Variants in FLNB observed in about 807,000 individuals in gnomAD.
FLNB encodes filamin B.
In FLNB, 111 loss-of-function variants were observed where a neutral mutation model predicts 250.6. The ratio of observed to expected loss-of-function variants is 0.44; its 90% CI spans 0.38 to 0.52. The LOEUF (loss-of-function observed/expected upper bound fraction) is 0.52, where lower values mean the gene tolerates loss of function less well. FLNB is among the 20% of genes least tolerant of loss of function. The pLI is 0.00. For missense variants in FLNB, 2,869 were observed against 3,447.8 expected (o/e 0.83, Z 4.20); for synonymous variants, 1,302 against 1,372.1 (o/e 0.95, Z 1.13).
At chr3:58,136,743 A>ATTTTTTTTTTT (rs1411180386) in intron 28 of FLNB, among the ~76,000 whole-genome samples, 1 of 75,202 alleles carries the variant, frequency 1.3e-5, no homozygotes, top group African/African-American at 7.9e-5. Flanking sequence ...GTCACAGGCC[A>ATTTTTTTTTTT]TTCTTTTTTT....
chr3:58,035,559 G>A (rs1175485949), intron 1 of FLNB, among the ~76,000 whole-genome samples: 2 of 152,094 alleles, frequency 1.3e-5, no homozygotes, highest in Admixed American at 1.3e-4. Context: ...GAAATAAGGG[G>A]TTTGATTGCC....
chr3:58,034,161 G>T (rs1159963133), intron 1 of FLNB, among the ~76,000 whole-genome samples: 1 of 152,092 alleles, frequency 6.6e-6, no homozygotes, highest in Admixed American at 6.6e-5. Context: ...ACGCCTGGCC[G>T]GGTGGTTTCT....
rs769582613 is a variant in FLNB at position 58,148,217 on chromosome 3, C to T, written c.5740C>T (p.Arg1914Trp). Residue 1914 changes from arginine (R) to tryptophan (W), a missense_variant, in exon 35 of 46, where the codon CGG (arginine) becomes TGG (tryptophan). Transcript: ENST00000295956. ...FTAKITDDSR[R>W]CSQVKLGSAA... ...GGGATGTTTCCCAGATGACAGCAGG[C>T]GGTGCTCCCAGGTGAAGTTGGGCTC... The T allele has an allele frequency of 2.9e-5, 47 of 1,614,050 alleles. No individual in the cohort carries two copies. In the East Asian group the frequency reaches 3.1e-4, roughly 11 times the overall value.
At chr3:58,112,973 A>G (rs2097271507) in intron 18 of FLNB, among the ~76,000 whole-genome samples, 1 of 152,248 alleles carries the variant, frequency 6.6e-6, no homozygotes, top group Non-Finnish European at 1.5e-5. Context: ...GGGCCTTAAA[A>G]CTGCCTCTCT....
At chr3:58,154,287 A>G (rs192670693) in intron 39 of FLNB, among the ~76,000 whole-genome samples, 2 of 152,308 alleles carry the variant, frequency 1.3e-5, no homozygotes, top group Admixed American at 1.3e-4. Context: ...TCACACCTGT[A>G]ACTCTAGCAC....
intron 24 of FLNB, among the ~76,000 whole-genome samples, chr3:58,128,199 A>G (rs1356904772): frequency 3.9e-5 from 6 of 152,162 alleles, no homozygotes; most frequent in Non-Finnish European, 7.3e-5. Flanking sequence ...TCCACTGACC[A>G]CACGCTTTCC....
At chr3:58,163,434 C>A in intron 43 of FLNB, 104 bp downstream of exon 43, 2 of 1,231,152 alleles carry the variant, frequency 1.6e-6, no homozygotes, top group Admixed American at 1.9e-5. Context: ...ACGTACTCCC[C>A]GTGGAAACTG....
Position 58,109,203 on chromosome 3 carries a change from A to C in FLNB, c.2080A>C (p.Ile694Leu). The C allele has an allele frequency of 6.2e-7, 1 of 1,614,230 alleles. No individual in the cohort carries two copies. The highest frequency in any genetic ancestry group is 8.5e-7 in the Non-Finnish European group (1 of 1,180,042). Residue 694 changes from isoleucine (I) to leucine (L), a missense_variant, in exon 14 of 46, where the codon ATC becomes CTC. Around this residue, in one of 5 missense-constraint regions of FLNB, gnomAD observed 1,348 missense variants for 1,466.7 expected, o/e 0.92. Transcript: ENST00000295956. Reference protein sequence around the residue: ...AQDGEGQRIDIQMKNRMDGTY... With the variant: ...AQDGEGQRIDLQMKNRMDGTY... Reference sequence around the variant, plus strand: ...GGATGGGGAAGGCCAACGCATTGACATCCAGATGAAGAACCGGATGGACGG... The same window carrying C: ...GGATGGGGAAGGCCAACGCATTGACCTCCAGATGAAGAACCGGATGGACGG...
At chr3:58,137,041 A>C (rs1040649677) in intron 28 of FLNB, among the ~76,000 whole-genome samples, 4 of 152,164 alleles carry the variant, frequency 2.6e-5, no homozygotes, top group Admixed American at 2.6e-4. Context: ...TTTTAAGAAC[A>C]GCCCTTGGGC....
At chr3:58,086,848 C>T (rs2097218111) in intron 4 of FLNB, among the ~76,000 whole-genome samples, 1 of 152,236 alleles carries the variant, frequency 6.6e-6, no homozygotes, top group Non-Finnish European at 1.5e-5. Flanking sequence ...GGCATGGTGG[C>T]TCACGCCTGT....
chr3:58,123,054 G>C (rs756558584), intron 20 of FLNB, 39 bp from the exon 21 acceptor site: 1 of 1,562,318 alleles, frequency 6.4e-7, no homozygotes, highest in Non-Finnish European at 8.8e-7. Flanking sequence ...GCTGAGCAGC[G>C]ATCCCAGTGC....
intron 1 of FLNB, among the ~76,000 whole-genome samples, chr3:58,037,719 A>C (rs1184280771): frequency 6.6e-6 from 1 of 152,184 alleles, no homozygotes. Context: ...TGGCTTTTTT[A>C]GATCACTGGC....
chr3:58,087,247 G>C (rs545292299), intron 4 of FLNB, among the ~76,000 whole-genome samples: 1 of 152,072 alleles, frequency 6.6e-6, no homozygotes, highest in East Asian at 1.9e-4. Context: ...TTTTTATATG[G>C]TATCGATATT....
At chr3:58,044,043 C>G (rs1015093346) in intron 1 of FLNB, among the ~76,000 whole-genome samples, 6 of 152,218 alleles carry the variant, frequency 3.9e-5, no homozygotes, top group African/African-American at 1.2e-4. Flanking sequence ...TGCCCTGCAG[C>G]TCCTGCTGTT....
chr3:58,078,620 G>A, intron 2 of FLNB, 97 bp from the exon 3 acceptor site: 1 of 1,511,186 alleles, frequency 6.6e-7, no homozygotes, highest in East Asian at 2.4e-5. Flanking sequence ...ATCATTCTCT[G>A]AACTAAAAGA....
At chr3:58,149,486 A>G (rs1308476089) in intron 36 of FLNB, 2 of 326,142 alleles carry the variant, frequency 6.1e-6, no homozygotes, top group Non-Finnish European at 1.2e-5. Context: ...TAAAAATTCA[A>G]AATCTCAGAT....
chr3:58,109,208 G>A lies in FLNB; in HGVS notation c.2085G>A (p.Gln695=), dbSNP rs1403233441. 1 of 1,614,110 alleles carries A rather than the reference G, an allele frequency of 6.2e-7. No homozygotes were observed. Among genetic ancestry groups the A allele is most frequent in the East Asian group, 2.2e-5 (1 of 44,880 alleles). The part of the protein sequence containing the change: ...QDGEGQRIDI[Q]MKNRMDGTYA... The stretch of plus-strand genomic sequence containing the variant: ...GGGAAGGCCAACGCATTGACATCCA[G>A]ATGAAGAACCGGATGGACGGCACAT... Residue 695 remains glutamine (Q), a synonymous_variant, in exon 14 of 46, where the codon CAG becomes CAA. Coordinates refer to ENST00000295956, the MANE Select transcript of FLNB (RefSeq NM_001457.4).
At chr3:58,014,635 G>A (rs1295724302) in intron 1 of FLNB, among the ~76,000 whole-genome samples, 1 of 152,244 alleles carries the variant, frequency 6.6e-6, no homozygotes, top group African/African-American at 2.4e-5. Context: ...GAGGATGGCT[G>A]CCCTGCTCCT....
rs115923919 is a variant in FLNB, at chr3:58,092,505, G to A, written c.788-2331G>A. On this transcript the variant is annotated intron_variant, in intron 4 of 45. Coordinates refer to ENST00000295956, the MANE Select transcript of FLNB (RefSeq NM_001457.4). ...CAAATAATTTTTAAAAATTATACAG[G>A]TGTGGTGGTATGCACCTGTGGTCCC... 7.3e-3 allele frequency among the ~76,000 whole-genome samples: 1,112 copies of A among 152,214 alleles called. 15 individuals carry two copies. The highest frequency in any genetic ancestry group is 0.025 in the African/African-American group (1,035 of 41,526).
Sources: allele counts gnomAD v4.1 joint callset (sites outside exome capture counted in the v4.1 genomes callset), GRCh38; gene constraint gnomAD v4.1.1; regional missense constraint gnomAD v4.1.1; transcripts MANE v1.5; gene names NCBI Gene and HGNC (gene_info 2026-07-23, HGNC 2026-07-21).